Variants in LIMS1 observed in about 807,000 individuals in gnomAD.
The protein encoded by LIMS1 is LIM zinc finger domain containing 1.
A neutral mutation model predicts 44.1 loss-of-function variants in LIMS1; 18 were observed. The observed-to-expected ratio is 0.41, with a 90% CI of 0.28 to 0.61. The LOEUF (loss-of-function observed/expected upper bound fraction) is 0.61, where lower values mean the gene tolerates loss of function less well. LIMS1 is among the 20% of genes least tolerant of loss of function. The pLI, the probability that LIMS1 is intolerant of heterozygous loss-of-function variation, is 0.32. For synonymous variants in LIMS1, 93 were observed against 149.1 expected, an observed-to-expected ratio of 0.62 and a Z score of 2.74; for missense variants, 201 against 422.0, an observed-to-expected ratio of 0.48 and a Z score of 4.59.
intron 9 of LIMS1, among the ~76,000 whole-genome samples, chr2:108,682,722 C>T (rs1432345860): frequency 6.6e-6 from 1 of 152,110 alleles, no homozygotes; most frequent in African/African-American, 2.4e-5. Flanking sequence ...TTGTTACTAA[C>T]ATTGTCCTTT....
chr2:108,544,725 C>A (rs565970649), intron 1 of LIMS1, among the ~76,000 whole-genome samples: 18 of 152,058 alleles, frequency 1.2e-4, no homozygotes, highest in Non-Finnish European at 2.4e-4. Context: ...AAACTCTTAA[C>A]CTCAGGTCAT....
chr2:108,619,465 C>CT (rs1215641526), intron 1 of LIMS1, among the ~76,000 whole-genome samples: 4 of 151,958 alleles, frequency 2.6e-5, no homozygotes, highest in Non-Finnish European at 5.9e-5. Flanking sequence ...AGTTCGATCA[C>CT]TTGAGGCTTG....
chr2:108,615,466 G>T (rs1171070131), intron 1 of LIMS1, among the ~76,000 whole-genome samples: 4 of 152,060 alleles, frequency 2.6e-5, no homozygotes, highest in African/African-American at 9.7e-5. Flanking sequence ...GGTCGGGTGG[G>T]GGGTATGGTG....
chr2:108,567,068 T>C (rs1455090162), intron 1 of LIMS1, among the ~76,000 whole-genome samples: 1 of 152,214 alleles, frequency 6.6e-6, no homozygotes, highest in Non-Finnish European at 1.5e-5. Context: ...TTTCAATGTC[T>C]ATAAATTTGA....
intron 1 of LIMS1, among the ~76,000 whole-genome samples, chr2:108,635,429 TAA>T (rs70956264): frequency 4.6e-5 from 4 of 86,718 alleles, no homozygotes; most frequent in Admixed American, 1.5e-4. Flanking sequence ...ACTTCATCTC[TAA>T]AAAAAAAAAA....
rs1291694652 is a variant in LIMS1 at position 108,662,600 on chromosome 2, A to G, written c.192+2836A>G. 6 of 1,040,992 alleles carry G rather than the reference A, an allele frequency of 5.8e-6. No homozygotes were observed. The African/African-American group carries it at 9.9e-5, about 17-fold the overall frequency. The allele number at this position is 1,040,992 out of a possible 1,614,324, so 64.5% of individuals were successfully genotyped here. On this transcript the variant is annotated intron_variant, in intron 2 of 9. Coordinates refer to ENST00000544547, the Ensembl canonical transcript of LIMS1. ...GGATGTGTAAACCTGCATCTGGAGA[A>G]TAAGACATTTCTTTTTGGTTAAATG...
At chr2:108,671,449 T>G (rs1692157742) in intron 3 of LIMS1, among the ~76,000 whole-genome samples, 3 of 152,180 alleles carry the variant, frequency 2.0e-5, no homozygotes. Context: ...CTTTACCAAC[T>G]TGCTTTTGGT....
chr2:108,553,108 A>G (rs980869140), intron 1 of LIMS1, among the ~76,000 whole-genome samples: 3 of 152,224 alleles, frequency 2.0e-5, no homozygotes, highest in African/African-American at 7.2e-5. Context: ...GTCATAATTC[A>G]TGTGGGCCTC....
chr2:108,665,615 C>A (rs1240929689), intron 2 of LIMS1, among the ~76,000 whole-genome samples: 1 of 152,146 alleles, frequency 6.6e-6, no homozygotes, highest in African/African-American at 2.4e-5. Flanking sequence ...CAACCTCCAC[C>A]TCCTGGATTC....
chr2:108,591,789 G>GTTTTTTTT (rs935084572), intron 1 of LIMS1, among the ~76,000 whole-genome samples: 1 of 91,358 alleles, frequency 1.1e-5, no homozygotes, highest in Admixed American at 1.3e-4. Flanking sequence ...AATGTTTTTA[G>GTTTTTTTT]TTTTTTTTTT....
chr2:108,549,652 G>A (rs973570853), intron 1 of LIMS1, among the ~76,000 whole-genome samples: 9 of 151,898 alleles, frequency 5.9e-5, no homozygotes, highest in African/African-American at 2.2e-4. Flanking sequence ...TTTTTCTTAC[G>A]AATTTCCTCA....
intron 2 of LIMS1, among the ~76,000 whole-genome samples, chr2:108,665,270 G>A (rs1232247946): frequency 6.6e-6 from 1 of 152,118 alleles, no homozygotes; most frequent in Non-Finnish European, 1.5e-5. Flanking sequence ...TATATGGTAT[G>A]GCCTATCCCT....
chr2:108,680,726 G>A, exon 9 of LIMS1: 1 of 1,610,390 alleles, frequency 6.2e-7, no homozygotes, highest in Non-Finnish European at 8.5e-7. Flanking sequence ...CCTGGTGCGT[G>A]AACTGCTTTG....
exon 10 of LIMS1, chr2:108,685,613 T>C (rs1693258994): frequency 6.6e-6 from 1 of 152,190 alleles, no homozygotes; most frequent in South Asian, 2.1e-4. Context: ...TTAGTAATCT[T>C]TTAGAATTGA....
chr2:108,617,624 C>G (rs17269446), intron 1 of LIMS1, among the ~76,000 whole-genome samples: 7,819 of 152,262 alleles, frequency 0.051, 287 homozygotes, highest in South Asian at 0.14. Flanking sequence ...GACTGTCTTC[C>G]ATGTCCCTGG....
intron 1 of LIMS1, among the ~76,000 whole-genome samples, chr2:108,568,995 G>A (rs1359744377): frequency 2.0e-5 from 3 of 151,946 alleles, no homozygotes; most frequent in African/African-American, 7.3e-5. Context: ...AGGTTCCAGC[G>A]ATTCTCCTGC....
rs957305945 is a variant in LIMS1, at chr2:108,624,450, A to C, written c.33-35155A>C. 7.2e-5 allele frequency among the ~76,000 whole-genome samples: 11 copies of C among 152,230 alleles called. 1 individual carries two copies. Among genetic ancestry groups the C allele is most frequent in the African/African-American group, 2.4e-5 (1 of 41,464 alleles). ...ATTGAAGTTTCTCCTGGTTGGGTTC[A>C]AAACAGCTTAATATAGGGGCTGGTG... On this transcript the variant is annotated intron_variant, in intron 1 of 9. Coordinates refer to ENST00000544547, the Ensembl canonical transcript of LIMS1.
At chr2:108,534,437 T>C (rs916920664) in exon 1 of LIMS1, 1 of 689,556 alleles carries the variant, frequency 1.5e-6, no homozygotes, top group African/African-American at 2.0e-5. Flanking sequence ...GGCCGGCCCC[T>C]GGCCTTCCTC....
intron 1 of LIMS1, among the ~76,000 whole-genome samples, chr2:108,628,062 C>T (rs1195407632): frequency 1.3e-5 from 2 of 152,214 alleles, no homozygotes; most frequent in Admixed American, 1.3e-4. Flanking sequence ...TCTCCAAGCA[C>T]CAGGCTTTGC....
Sources: allele counts gnomAD v4.1 joint callset (sites outside exome capture counted in the v4.1 genomes callset), GRCh38; gene constraint gnomAD v4.1.1; transcripts MANE v1.5; gene names NCBI Gene and HGNC (gene_info 2026-07-23, HGNC 2026-07-21).